The following ERO1B variants were observed in gnomAD, a reference collection of about 807,000 sequenced individuals.
ERO1B encodes the protein endoplasmic reticulum oxidoreductase 1 beta.
In ERO1B, 49 loss-of-function variants were observed where a neutral mutation model predicts 75.3. The ratio of observed to expected loss-of-function variants is 0.65; its 90% CI spans 0.52 to 0.83. The LOEUF is 0.83. ERO1B is among the 40% of genes least tolerant of loss of function. ERO1B has a pLI of 0.00. For missense variants in ERO1B, 512 were observed against 560.1 expected (o/e 0.91, Z 0.87); for synonymous variants, 191 against 192.9 (o/e 0.99, Z 0.08).
In ERO1B at chr1:236,226,447, T is replaced by C; in HGVS notation, c.874A>G (p.Thr292Ala). 6.2e-7 allele frequency: 1 copy of C among 1,614,136 alleles called. No homozygotes were observed. The highest frequency in any genetic ancestry group is 2.2e-5 in the East Asian group (1 of 44,874). ...EFKHRFDPVE[T>A]KGEGPRRLKN... ...AGCCTTCTTGGACCTTCTCCCTTGG[T>C]TTCCACAGGGTCAAAGCGGTGTTTG... Residue 292 changes from threonine to alanine, a missense_variant, in exon 12 of 16, where the codon ACC becomes GCC. Thr to Ala is a moderately conservative substitution (Grantham distance 58). Coordinates refer to ENST00000354619, the MANE Select transcript of ERO1B (RefSeq NM_019891.4).
At chr1:236,261,977 A>G (rs6684864) in intron 2 of ERO1B, among the ~76,000 whole-genome samples, 10,493 of 152,250 alleles carry the variant, frequency 0.069, 753 homozygotes, top group East Asian at 0.39. Flanking sequence ...ACAAAAAAAG[A>G]ACAATCCTAA....
At chr1:236,220,620 GA>G in intron 15 of ERO1B, 1 of 350,812 alleles carries the variant, frequency 2.9e-6, no homozygotes, top group Non-Finnish European at 5.0e-6. Flanking sequence ...GCAGCAAACT[GA>G]AAAACACTGG....
intron 1 of ERO1B, among the ~76,000 whole-genome samples, chr1:236,277,500 T>C (rs1042460449): frequency 6.6e-6 from 1 of 151,856 alleles, no homozygotes; most frequent in African/African-American, 2.4e-5. Context: ...AAGAGAAGAT[T>C]ACTGGAGCCA....
At chr1:236,277,003 T>C (rs1208237190) in intron 1 of ERO1B, among the ~76,000 whole-genome samples, 1 of 152,194 alleles carries the variant, frequency 6.6e-6, no homozygotes, top group Non-Finnish European at 1.5e-5. Flanking sequence ...TCCCCGATTG[T>C]AAGTTTCCTG....
intron 2 of ERO1B, among the ~76,000 whole-genome samples, chr1:236,267,215 T>G (rs1408541460): frequency 6.6e-6 from 1 of 152,222 alleles, no homozygotes. Context: ...AAATGGTCAT[T>G]AGTTCCAGCT....
intron 5 of ERO1B, among the ~76,000 whole-genome samples, chr1:236,245,862 G>T (rs1664874124): frequency 6.6e-6 from 1 of 151,588 alleles, no homozygotes; most frequent in Non-Finnish European, 1.5e-5. Context: ...AAAGTGCTAG[G>T]ATTACAGGCA....
In ERO1B at chr1:236,281,805, G is replaced by A. The variant is rs1262956496; in HGVS notation, c.-22C>T. On this transcript the variant is annotated 5_prime_UTR_variant, in exon 1 of 16. Coordinates refer to ENST00000354619, the MANE Select transcript of ERO1B (RefSeq NM_019891.4). ...TCATGCTGACCTCTACCCACACCGCGGCCAGCCGGACCCCTCGGGGCCGGG... is the reference window on the plus strand; with the variant it reads ...TCATGCTGACCTCTACCCACACCGCAGCCAGCCGGACCCCTCGGGGCCGGG... 2.1e-6 allele frequency: 3 copies of A among 1,409,672 alleles called. No homozygotes were observed. The highest frequency in any genetic ancestry group is 1.9e-6 in the Non-Finnish European group (2 of 1,072,036). 87.3% of individuals were successfully genotyped at this position (1,409,672 alleles called of 1,614,324 possible). A position where few individuals can be genotyped will look rare whatever the true frequency, so the allele number is the denominator to read the frequency against.
Position 236,248,443 on chromosome 1 carries a change from A to T in ERO1B, c.431+1442T>A, listed in dbSNP as rs559283792. On this transcript the variant is annotated intron_variant, in intron 5 of 15. Coordinates refer to ENST00000354619, the MANE Select transcript of ERO1B (RefSeq NM_019891.4). ...CAATTCTACTTCTAATGTGAAAAAAAATTTGGGAATGCTCAAGGTGGCATG... is the reference window on the plus strand; with the variant it reads ...CAATTCTACTTCTAATGTGAAAAAATATTTGGGAATGCTCAAGGTGGCATG... 2.0e-5 allele frequency among the ~76,000 whole-genome samples: 3 copies of T among 152,336 alleles called. No individual in the cohort carries two copies. The South Asian group carries it at 6.2e-4, about 32-fold the overall frequency.
At chr1:236,240,013 T>A (rs1253310285) in intron 6 of ERO1B, among the ~76,000 whole-genome samples, 4 of 150,638 alleles carry the variant, frequency 2.7e-5, no homozygotes, top group Non-Finnish European at 5.9e-5. Flanking sequence ...CAAGCAATTC[T>A]CCTGCCTCAG....
intron 6 of ERO1B, 135 bp from the exon 7 acceptor site, chr1:236,236,533 T>C: frequency 1.2e-6 from 1 of 858,138 alleles, no homozygotes; most frequent in Non-Finnish European, 1.8e-6. Flanking sequence ...TTAAATGGTA[T>C]AGTGGTTAGT....
Position 236,226,436 on chromosome 1 carries a change from T to C in ERO1B, c.885A>G (p.Glu295=). Residue 295 remains glutamate (E), a synonymous_variant, in exon 12 of 16, where the codon GAA becomes GAG. Coordinates refer to ENST00000354619, the MANE Select transcript of ERO1B (RefSeq NM_019891.4). ...HRFDPVETKG[E]GPRRLKNLYF... ...AAAGATTCTTGAGCCTTCTTGGACC[T>C]TCTCCCTTGGTTTCCACAGGGTCAA... 6.2e-7 allele frequency: 1 copy of C among 1,614,158 alleles called. No individual in the cohort carries two copies. The highest frequency in any genetic ancestry group is 1.1e-5 in the South Asian group (1 of 91,082).
intron 2 of ERO1B, among the ~76,000 whole-genome samples, chr1:236,265,262 T>G (rs1432036159): frequency 6.6e-6 from 1 of 152,170 alleles, no homozygotes; most frequent in African/African-American, 2.4e-5. Context: ...GAAATATACA[T>G]CATTCTTATT....
In ERO1B at chr1:236,258,156, A is replaced by AAAAAAAC. The variant is rs1282640745; in HGVS notation, c.223-4652_223-4651insGTTTTTT. ...AAAAAAAGAAAAACAAAGCAAAAAA[A>AAAAAAAC]AAAAAAACCCAGCCAGATCCAGGAA... On this transcript the variant is annotated intron_variant, in intron 2 of 15. Coordinates refer to ENST00000354619, the MANE Select transcript of ERO1B (RefSeq NM_019891.4). 3.5e-4 allele frequency among the ~76,000 whole-genome samples: 50 copies of AAAAAAAC among 141,884 alleles called. 2 individuals carry two copies. The highest frequency in any genetic ancestry group is 9.7e-4 in the African/African-American group (38 of 39,358). The allele number at this position is 141,884 out of a possible 152,430, so 93.1% of individuals were successfully genotyped here.
At chr1:236,255,957 G>C (rs879270464) in intron 2 of ERO1B, among the ~76,000 whole-genome samples, 3 of 152,136 alleles carry the variant, frequency 2.0e-5, no homozygotes, top group Non-Finnish European at 4.4e-5. Context: ...AAAAATCTTG[G>C]CAGCTTTTCC....
At chr1:236,243,629 G>T in intron 5 of ERO1B, 134 bp from the exon 6 acceptor site, 1 of 517,394 alleles carries the variant, frequency 1.9e-6, no homozygotes, top group Non-Finnish European at 3.3e-6. Flanking sequence ...TCTGCTATTA[G>T]TGATTACATG....
intron 2 of ERO1B, among the ~76,000 whole-genome samples, chr1:236,266,355 G>A (rs1236053459): frequency 6.6e-6 from 1 of 152,200 alleles, no homozygotes; most frequent in Non-Finnish European, 1.5e-5. Context: ...TGTAATCCCA[G>A]CACTTTGGGA....
intron 8 of ERO1B, among the ~76,000 whole-genome samples, chr1:236,234,157 A>AT (rs1357754628): frequency 5.3e-5 from 8 of 152,202 alleles, no homozygotes; most frequent in African/African-American, 1.9e-4. Context: ...GAGTACTCCT[A>AT]TAACAGCTAG....
At chr1:236,225,911 G>A (rs1246076517) in intron 12 of ERO1B, among the ~76,000 whole-genome samples, 2 of 152,152 alleles carry the variant, frequency 1.3e-5, no homozygotes, top group Non-Finnish European at 2.9e-5. Flanking sequence ...CTCCAGCCTG[G>A]GCAACAGAGC....
intron 4 of ERO1B, among the ~76,000 whole-genome samples, chr1:236,250,618 T>TATATA (rs1491338079): frequency 9.1e-6 from 1 of 110,264 alleles, no homozygotes; most frequent in Non-Finnish European, 1.9e-5. Flanking sequence ...TATATATATA[T>TATATA]CAAACGTGTG....
Sources: allele counts gnomAD v4.1 joint callset (sites outside exome capture counted in the v4.1 genomes callset), GRCh38; gene constraint gnomAD v4.1.1; transcripts MANE v1.5; gene names NCBI Gene and HGNC (gene_info 2026-07-23, HGNC 2026-07-21).